The following PCDH15 variants were observed in gnomAD, a reference collection of about 807,000 sequenced individuals.
PCDH15 encodes protocadherin-15.
PCDH15 carries 129 observed loss-of-function variants against 178.5 expected under a neutral mutation model. The observed-to-expected ratio is 0.72, with a 90% confidence interval of 0.63 to 0.84. The LOEUF is 0.84. Among genes scored for constraint, PCDH15 ranks in the 40% least tolerant of loss-of-function variants. The probability of loss-of-function intolerance (pLI) is 0.00; values close to 1 mark genes in which losing one functional copy is unlikely to be tolerated. For synonymous variants in PCDH15, 800 were observed against 732.0 expected, an observed-to-expected ratio of 1.09 and a Z score of -1.50; for missense variants, 2,230 against 2,099.9, an observed-to-expected ratio of 1.06 and a Z score of -1.21.
chr10:54,282,158 T>A (rs1313420652), intron 8 of PCDH15, among the ~76,000 whole-genome samples: 1 of 152,076 alleles, frequency 6.6e-6, no homozygotes, highest in African/African-American at 2.4e-5. Context: ...ACAGCAGTGG[T>A]TCTCAGTTTG....
intron 1 of PCDH15, among the ~76,000 whole-genome samples, chr10:54,676,560 T>A (rs1315084148): frequency 6.6e-6 from 1 of 152,176 alleles, no homozygotes; most frequent in East Asian, 1.9e-4. Context: ...GAACAAAGCA[T>A]ATGTGGAAAT....
intron 2 of PCDH15, among the ~76,000 whole-genome samples, chr10:55,063,066 C>T (rs890318709): frequency 6.6e-6 from 1 of 152,076 alleles, no homozygotes; most frequent in South Asian, 2.1e-4. Context: ...TTCAGAACAG[C>T]TATTCAAATT....
chr10:54,226,999 C>T (rs2053527681), intron 9 of PCDH15, among the ~76,000 whole-genome samples: 1 of 152,198 alleles, frequency 6.6e-6, no homozygotes, highest in Admixed American at 6.5e-5. Context: ...GTGTAGCCCC[C>T]TCCTGGCTGC....
At position 54,081,382 on chromosome 10, in the gene PCDH15, A is replaced by G. The variant is rs116752921; in HGVS notation, c.1998-1958T>C. ...ATATGTATTATTCCAAAAATACTAT[A>G]TGCCGTGAACAATATAGTATACAGT... On this transcript the variant is annotated intron_variant, in intron 16 of 37. Transcript: ENST00000644397. 9.2e-3 allele frequency among the ~76,000 whole-genome samples: 1,405 copies of G among 152,152 alleles called. 24 individuals carry two copies. Among genetic ancestry groups the G allele is most frequent in the African/African-American group, 0.031 (1,295 of 41,520 alleles).
chr10:54,263,874 T>G (rs1299574935), intron 8 of PCDH15, among the ~76,000 whole-genome samples: 3 of 152,112 alleles, frequency 2.0e-5, no homozygotes, highest in Non-Finnish European at 4.4e-5. Context: ...AGAACCACTC[T>G]CAATCTGGGT....
intron 14 of PCDH15, among the ~76,000 whole-genome samples, chr10:54,139,054 A>T (rs1240708398): frequency 6.6e-6 from 1 of 152,164 alleles, no homozygotes; most frequent in African/African-American, 2.4e-5. Flanking sequence ...ATGCCTTTAG[A>T]ATTGTCAGCA....
At chr10:55,185,999 A>T (rs935517800) in intron 1 of PCDH15, among the ~76,000 whole-genome samples, 2 of 151,762 alleles carry the variant, frequency 1.3e-5, no homozygotes, top group African/African-American at 4.8e-5. Flanking sequence ...GGGACTTGGA[A>T]ATTATCAAAA....
At position 55,231,265 on chromosome 10, in the gene PCDH15, T is replaced by C. The variant is rs551010621; in HGVS notation, c.-155-64614A>G. 4.6e-3 allele frequency among the ~76,000 whole-genome samples: 694 copies of C among 152,096 alleles called. 3 individuals carry two copies. The highest frequency in any genetic ancestry group is 7.3e-3 in the Non-Finnish European group (495 of 67,942). On this transcript the variant is annotated intron_variant, in intron 1 of 5. Transcript: ENST00000458638. ...GAGATTGAGAAGTTCCTAAAATTGC[T>C]AAGAAATCTGGAGAACTTTTGTTGA...
At chr10:54,992,569 A>T (rs1218243673) in intron 2 of PCDH15, among the ~76,000 whole-genome samples, 2 of 152,002 alleles carry the variant, frequency 1.3e-5, no homozygotes, top group South Asian at 4.2e-4. Context: ...TGGCTAACAC[A>T]GTGAAACCCT....
chr10:54,036,656 A>G (rs773744999), intron 18 of PCDH15, among the ~76,000 whole-genome samples: 1 of 151,842 alleles, frequency 6.6e-6, no homozygotes, highest in Non-Finnish European at 1.5e-5. Context: ...TCTGATGGAG[A>G]TGTAAAAGGA....
intron 2 of PCDH15, among the ~76,000 whole-genome samples, chr10:55,004,616 T>C (rs1407103538): frequency 1.3e-5 from 2 of 152,278 alleles, no homozygotes; most frequent in East Asian, 3.9e-4. Context: ...ATTTCTGTTT[T>C]CCTGCACTTG....
At chr10:54,852,264 T>TAG (rs3072767) in intron 3 of PCDH15, among the ~76,000 whole-genome samples, 4 of 151,742 alleles carry the variant, frequency 2.6e-5, no homozygotes, top group African/African-American at 9.7e-5. Flanking sequence ...TCTTGCTGAG[T>TAG]TCTTAGAAGG....
At chr10:55,454,064 A>T (rs1839494147) in intron 2 of PCDH15, among the ~76,000 whole-genome samples, 1 of 152,160 alleles carries the variant, frequency 6.6e-6, no homozygotes, top group South Asian at 2.1e-4. Flanking sequence ...TTTTAAAGAA[A>T]TGATTCCGTT....
chr10:54,766,798 A>G (rs562317246), intron 1 of PCDH15, among the ~76,000 whole-genome samples: 139 of 152,058 alleles, frequency 9.1e-4, no homozygotes, highest in South Asian at 8.7e-3. Flanking sequence ...GCGCGGTGGC[A>G]GGCGCCTGTA....
intron 2 of PCDH15, among the ~76,000 whole-genome samples, chr10:55,097,613 G>A (rs1334480437): frequency 2.0e-5 from 3 of 152,020 alleles, no homozygotes; most frequent in African/African-American, 7.2e-5. Context: ...TTTCTGTATT[G>A]TAAAACCCAG....
At chr10:53,973,737 T>C (rs1482895851) in intron 21 of PCDH15, among the ~76,000 whole-genome samples, 1 of 152,016 alleles carries the variant, frequency 6.6e-6, no homozygotes, top group African/African-American at 2.4e-5. Context: ...AAATAGATTT[T>C]TAAAAGATTT....
chr10:54,899,101 A>G (rs1954598127), intron 2 of PCDH15, among the ~76,000 whole-genome samples: 1 of 152,198 alleles, frequency 6.6e-6, no homozygotes, highest in African/African-American at 2.4e-5. Context: ...TTATTACACG[A>G]AAAGAAATTC....
At chr10:54,877,936 CT>C (rs1954177224) in intron 3 of PCDH15, among the ~76,000 whole-genome samples, 1 of 104,352 alleles carries the variant, frequency 9.6e-6, no homozygotes, top group Non-Finnish European at 2.0e-5. Flanking sequence ...CTCTCTCTCT[CT>C]CTTTTTTTTT....
intron 2 of PCDH15, chr10:54,600,119 A>C: frequency 1.1e-6 from 1 of 874,744 alleles, no homozygotes; most frequent in Non-Finnish European, 1.8e-6. Flanking sequence ...AAACCAATGG[A>C]TGTGCCAGAG....
Sources: gnomAD v4.1 joint callset for allele counts (sites outside exome capture counted in the v4.1 genomes callset) on GRCh38, gnomAD v4.1.1 for gene constraint, MANE v1.5 for transcripts, NCBI Gene and HGNC (gene_info 2026-07-23, HGNC 2026-07-21) for gene names.